DIAPH3: variants seen among roughly 807,000 people sequenced by gnomAD.
DIAPH3 encodes the protein diaphanous related formin 3.
Under a neutral mutation model 144.3 loss-of-function variants are expected in DIAPH3, and 117 were observed. The observed-to-expected ratio is 0.81, with a 90% CI of 0.70 to 0.95. The LOEUF (loss-of-function observed/expected upper bound fraction) is 0.95. DIAPH3 is among the 40% of genes least tolerant of loss of function. The probability of loss-of-function intolerance (pLI) is 0.00; values close to 1 mark genes in which losing one functional copy is unlikely to be tolerated. For missense variants in DIAPH3, 1,421 were observed against 1,412.7 expected (o/e 1.01, Z -0.09); for synonymous variants, 519 against 488.9 (o/e 1.06, Z -0.81).
intron 23 of DIAPH3, chr13:59,838,723 CATCAGAAGGAA>C: frequency 6.6e-6 from 1 of 152,262 alleles, no homozygotes; most frequent in Non-Finnish European, 1.5e-5. Context: ...TCATCATGTA[CATCAGAAGGAA>C]ATAAGGTATA....
intron 9 of DIAPH3, among the ~76,000 whole-genome samples, chr13:60,006,462 T>C (rs2052883999): frequency 6.6e-6 from 1 of 152,078 alleles, no homozygotes; most frequent in Non-Finnish European, 1.5e-5. Flanking sequence ...AAAAATCAGA[T>C]AAAGTAATGG....
At chr13:60,021,040 T>A (rs959587916) in intron 5 of DIAPH3, 2 of 152,134 alleles carry the variant, frequency 1.3e-5, no homozygotes, top group South Asian at 4.1e-4. Context: ...AAAAACCACA[T>A]ATGTAATGCC....
At chr13:59,823,909 A>G (rs187601726) in intron 24 of DIAPH3, among the ~76,000 whole-genome samples, 211 of 152,324 alleles carry the variant, frequency 1.4e-3, no homozygotes, top group African/African-American at 4.8e-3. Context: ...TCAGTAGAAT[A>G]ATAAATTATA....
At chr13:59,670,023 G>A (rs1465634765) in intron 27 of DIAPH3, among the ~76,000 whole-genome samples, 1 of 152,084 alleles carries the variant, frequency 6.6e-6, no homozygotes, top group African/African-American at 2.4e-5. Flanking sequence ...GCATTTCCTG[G>A]GTTTTTCTTT....
At chr13:59,910,447 G>T (rs1014766966) in intron 20 of DIAPH3, among the ~76,000 whole-genome samples, 13 of 152,102 alleles carry the variant, frequency 8.5e-5, no homozygotes, top group Admixed American at 5.9e-4. Context: ...TTTAGAAAAG[G>T]CCGGGTGGGG....
At chr13:59,994,806 G>C (rs1168116634) in intron 9 of DIAPH3, among the ~76,000 whole-genome samples, 3 of 151,808 alleles carry the variant, frequency 2.0e-5, no homozygotes, top group Non-Finnish European at 4.4e-5. Flanking sequence ...CAAGAAATGA[G>C]GTTGAACAAG....
At chr13:59,781,604 G>A (rs560181894) in intron 25 of DIAPH3, among the ~76,000 whole-genome samples, 1 of 152,298 alleles carries the variant, frequency 6.6e-6, no homozygotes, top group South Asian at 2.1e-4. Flanking sequence ...AGAACCGGTA[G>A]CAAATCTATT....
chr13:59,684,790 G>C (rs1024928160), intron 27 of DIAPH3, among the ~76,000 whole-genome samples: 3 of 152,130 alleles, frequency 2.0e-5, no homozygotes, highest in Admixed American at 2.0e-4. Context: ...AATAAAGAAA[G>C]AACTTTCATT....
intron 17 of DIAPH3, among the ~76,000 whole-genome samples, chr13:59,954,385 C>T (rs1332242128): frequency 6.6e-6 from 1 of 152,108 alleles, no homozygotes; most frequent in African/African-American, 2.4e-5. Flanking sequence ...CTAACAGCTG[C>T]TCTGGCCTTA....
chr13:60,015,777 G>C (rs1398912555), intron 7 of DIAPH3, 136 bp downstream of exon 7: 4 of 810,856 alleles, frequency 4.9e-6, no homozygotes, highest in Non-Finnish European at 8.2e-6. Context: ...GTTGAAACTA[G>C]AATTCAATAA....
chr13:59,933,534 T>C (rs1049296016), intron 17 of DIAPH3, among the ~76,000 whole-genome samples: 1 of 152,212 alleles, frequency 6.6e-6, no homozygotes, highest in Admixed American at 6.5e-5. Flanking sequence ...TTTTCTCAAA[T>C]ATAACATGAA....
At chr13:59,918,706 T>C (rs1295146488) in intron 18 of DIAPH3, among the ~76,000 whole-genome samples, 4 of 152,148 alleles carry the variant, frequency 2.6e-5, no homozygotes, top group Non-Finnish European at 5.9e-5. Context: ...ACAGACTTAC[T>C]GTTGAAAGAT....
intron 27 of DIAPH3, among the ~76,000 whole-genome samples, chr13:59,667,237 G>A (rs1053882522): frequency 1.2e-4 from 18 of 152,058 alleles, no homozygotes; most frequent in African/African-American, 2.7e-4. Flanking sequence ...ATCCTTCCCC[G>A]TCATGTTTTC....
In DIAPH3 at chr13:59,773,362, T is replaced by C. The variant is rs77940205; in HGVS notation, c.3319+827A>G. ...GGCACAGGTTTTTCTCTCAGTCACA[T>C]GTTAATAATTCCAGAACTTAAGTCA... On this transcript the variant is annotated intron_variant, in intron 27 of 27. Coordinates refer to ENST00000400324, the MANE Select transcript of DIAPH3 (RefSeq NM_001042517.2). 2.7e-3 allele frequency among the ~76,000 whole-genome samples: 417 copies of C among 152,336 alleles called. 4 individuals carry two copies. Among genetic ancestry groups the C allele is most frequent in the African/African-American group, 9.5e-3 (397 of 41,586 alleles).
At chr13:60,047,870 T>G (rs954266551) in intron 4 of DIAPH3, among the ~76,000 whole-genome samples, 3 of 152,146 alleles carry the variant, frequency 2.0e-5, no homozygotes, top group Non-Finnish European at 2.9e-5. Context: ...AGTTAAGAAC[T>G]GTATAGTGTC....
intron 21 of DIAPH3, among the ~76,000 whole-genome samples, chr13:59,862,020 C>A (rs1374699147): frequency 6.6e-6 from 1 of 152,124 alleles, no homozygotes; most frequent in Non-Finnish European, 1.5e-5. Flanking sequence ...AAAATAATCA[C>A]AACTTTCATT....
chr13:60,094,426 A>G (rs2058044963), intron 3 of DIAPH3, among the ~76,000 whole-genome samples: 1 of 152,202 alleles, frequency 6.6e-6, no homozygotes, highest in Non-Finnish European at 1.5e-5. Context: ...TCAGGTATAT[A>G]TCCACATAAA....
chr13:60,048,461 T>C (rs893846699), intron 4 of DIAPH3, among the ~76,000 whole-genome samples: 5 of 152,254 alleles, frequency 3.3e-5, no homozygotes, highest in Non-Finnish European at 7.3e-5. Flanking sequence ...CAAGATCACC[T>C]GTCAGCAGAG....
chr13:60,139,865 T>C (rs750771516), intron 1 of DIAPH3, among the ~76,000 whole-genome samples: 2 of 152,222 alleles, frequency 1.3e-5, no homozygotes, highest in Non-Finnish European at 2.9e-5. Context: ...TCTTCGTCTA[T>C]TTCAGTTCTT....
Sources: gnomAD v4.1 joint callset for allele counts (sites outside exome capture counted in the v4.1 genomes callset) on GRCh38, gnomAD v4.1.1 for gene constraint, MANE v1.5 for transcripts, NCBI Gene and HGNC (gene_info 2026-07-23, HGNC 2026-07-21) for gene names.